The following LRRC1 variants were observed in gnomAD, a reference collection of about 807,000 sequenced individuals.
The protein encoded by LRRC1 is leucine rich repeat containing 1.
LRRC1 carries 28 observed loss-of-function variants against 69.9 expected under a neutral mutation model. That is an observed-to-expected ratio of 0.40 (90% confidence interval 0.30 to 0.55). The LOEUF is 0.55. Among genes scored for constraint, LRRC1 ranks in the 20% least tolerant of loss-of-function variants. The pLI, the probability that LRRC1 is intolerant of heterozygous loss-of-function variation, is 0.47. For synonymous variants in LRRC1, 236 were observed against 240.2 expected (o/e 0.98, Z 0.16); for missense variants, 498 against 609.0 (o/e 0.82, Z 1.92).
intron 1 of LRRC1, among the ~76,000 whole-genome samples, chr6:53,820,509 C>T (rs912664179): frequency 1.9e-4 from 28 of 150,548 alleles, no homozygotes; most frequent in African/African-American, 5.2e-4. Context: ...TCATACTCTC[C>T]GACAAGCAGA....
intron 1 of LRRC1, among the ~76,000 whole-genome samples, chr6:53,839,424 T>C (rs1240035708): frequency 1.3e-5 from 2 of 152,200 alleles, no homozygotes; most frequent in Non-Finnish European, 2.9e-5. Flanking sequence ...CATTTGTAAA[T>C]TCAATTTCTA....
chr6:53,876,247 T>G (rs1023652137), intron 2 of LRRC1, among the ~76,000 whole-genome samples: 10 of 152,170 alleles, frequency 6.6e-5, no homozygotes, highest in Admixed American at 1.3e-4. Flanking sequence ...TTGTGAGACT[T>G]ACTTACTGTC....
chr6:53,901,104 G>T (rs1201992973), intron 8 of LRRC1, among the ~76,000 whole-genome samples: 1 of 152,192 alleles, frequency 6.6e-6, no homozygotes, highest in Non-Finnish European at 1.5e-5. Flanking sequence ...TCTGAAAAGG[G>T]TTGTAGAGAC....
chr6:53,896,164 T>A (rs1246485533), intron 4 of LRRC1, among the ~76,000 whole-genome samples: 1 of 152,232 alleles, frequency 6.6e-6, no homozygotes, highest in African/African-American at 2.4e-5. Context: ...ACATTCAGCT[T>A]CTGTCTCAGT....
intron 2 of LRRC1, among the ~76,000 whole-genome samples, chr6:53,871,638 T>C (rs1457879568): frequency 6.6e-6 from 1 of 152,200 alleles, no homozygotes; most frequent in Non-Finnish European, 1.5e-5. Flanking sequence ...CTTTTAAGTT[T>C]GATAAAATCC....
chr6:53,796,661 T>A (rs1026576604), intron 1 of LRRC1, among the ~76,000 whole-genome samples: 20 of 152,324 alleles, frequency 1.3e-4, no homozygotes, highest in Non-Finnish European at 2.8e-4. Flanking sequence ...TTGGATTAAC[T>A]TTCCTGGGTT....
intron 1 of LRRC1, among the ~76,000 whole-genome samples, chr6:53,834,308 T>C (rs1294770807): frequency 6.6e-6 from 1 of 152,226 alleles, no homozygotes; most frequent in African/African-American, 2.4e-5. Context: ...GCAACCCCAC[T>C]TATGTGCTCT....
chr6:53,850,906 A>G (rs1766106353), intron 2 of LRRC1, among the ~76,000 whole-genome samples: 1 of 152,206 alleles, frequency 6.6e-6, no homozygotes. Flanking sequence ...GGAGAATTGC[A>G]TCTAGGAAAT....
intron 4 of LRRC1, among the ~76,000 whole-genome samples, chr6:53,889,077 G>A (rs534442930): frequency 2.0e-4 from 30 of 152,276 alleles, no homozygotes; most frequent in African/African-American, 7.0e-4. Flanking sequence ...GAGAAGATAT[G>A]CAGATAACCA....
intron 2 of LRRC1, among the ~76,000 whole-genome samples, chr6:53,867,085 G>T (rs183095432): frequency 6.6e-6 from 1 of 152,142 alleles, no homozygotes; most frequent in Non-Finnish European, 1.5e-5. Flanking sequence ...CCAAATCCTG[G>T]CCTTCCCACT....
At chr6:53,878,757 A>G (rs994061606) in intron 2 of LRRC1, among the ~76,000 whole-genome samples, 1 of 152,204 alleles carries the variant, frequency 6.6e-6, no homozygotes, top group African/African-American at 2.4e-5. Flanking sequence ...TCCTATAGCT[A>G]TAATTTTGTC....
chr6:53,851,092 T>C (rs1766113534), intron 2 of LRRC1, among the ~76,000 whole-genome samples: 1 of 151,684 alleles, frequency 6.6e-6, no homozygotes, highest in Non-Finnish European at 1.5e-5. Context: ...CTTAATTGAA[T>C]GCTGGAATTA....
chr6:53,881,678 C>T (rs1767295333), intron 3 of LRRC1, among the ~76,000 whole-genome samples: 1 of 151,914 alleles, frequency 6.6e-6, no homozygotes, highest in African/African-American at 2.4e-5. Flanking sequence ...TTAAAAGGAA[C>T]CTAGAAAGAT....
chr6:53,844,647 T>TTTG lies in LRRC1; in HGVS notation c.277+2440_277+2442dup, dbSNP rs753928943. ...GCTCCTTGGAACACCTACCCTGCTT[T>TTTG]TTGTTGTTGTTGTTGTTGTTGTATT... On this transcript the variant is annotated intron_variant, in intron 2 of 13. Coordinates refer to ENST00000370888, the MANE Select transcript of LRRC1 (RefSeq NM_018214.5). Among the ~76,000 whole-genome samples the TTTG allele has an allele frequency of 1.6e-3, 239 of 152,176 alleles. 1 individual carries two copies. Among genetic ancestry groups the TTTG allele is most frequent in the African/African-American group, 4.7e-3 (195 of 41,520 alleles).
Position 53,820,145 on chromosome 6 carries a change from A to G in LRRC1, c.160-21965A>G, listed in dbSNP as rs1765076345. Among the ~76,000 whole-genome samples the G allele has an allele frequency of 2.6e-5, 4 of 152,000 alleles. 1 individual carries two copies. In the South Asian group the frequency reaches 8.3e-4, roughly 32 times the overall value. On this transcript the variant is annotated intron_variant, in intron 1 of 13. Transcript: ENST00000370888. ...CATTGCAGCTGCCTTTAAAGAGATC[A>G]TTTTCCAGTTGATTTACATACAACT...
At chr6:53,827,531 CA>C (rs1172273925) in intron 1 of LRRC1, among the ~76,000 whole-genome samples, 1 of 152,088 alleles carries the variant, frequency 6.6e-6, no homozygotes, top group Admixed American at 6.6e-5. Context: ...GTAAAGGCCT[CA>C]GAGAGGTCGT....
chr6:53,795,290 C>T lies in LRRC1; in HGVS notation c.34C>T (p.Arg12Cys), dbSNP rs573873817. Residue 12 changes from arginine to cysteine, a missense_variant, in exon 1 of 14, where the codon CGT (arginine) becomes TGT (cysteine). Transcript: ENST00000370888. ...FHCIPLWRCN[R>C]HVESIDKRHC... ...CTGCATCCCCCTGTGGCGGTGCAAC[C>T]GTCATGTGGAGAGCATCGACAAGCG... The T allele has an allele frequency of 1.9e-6, 3 of 1,612,486 alleles. No homozygotes were observed. Among genetic ancestry groups the T allele is most frequent in the African/African-American group, 1.3e-5 (1 of 74,928 alleles).
chr6:53,848,725 A>G (rs747067170), intron 2 of LRRC1, among the ~76,000 whole-genome samples: 1 of 151,934 alleles, frequency 6.6e-6, no homozygotes, highest in Non-Finnish European at 1.5e-5. Flanking sequence ...TGACTGATGA[A>G]TAAGTTGTAG....
At chr6:53,876,505 G>A (rs1422672908) in intron 2 of LRRC1, among the ~76,000 whole-genome samples, 1 of 152,106 alleles carries the variant, frequency 6.6e-6, no homozygotes, top group Non-Finnish European at 1.5e-5. Flanking sequence ...TCTTATCCAA[G>A]ACAAGGCAAG....
Sources: allele counts gnomAD v4.1 joint callset (sites outside exome capture counted in the v4.1 genomes callset), GRCh38; gene constraint gnomAD v4.1.1; transcripts MANE v1.5; gene names NCBI Gene and HGNC (gene_info 2026-07-23, HGNC 2026-07-21).